Variants in LIMS1 observed in about 807,000 individuals in gnomAD.
LIMS1 encodes the protein LIM and senescent cell antigen-like-containing domain protein 1.
LIMS1 carries 18 observed loss-of-function variants against 44.1 expected under a neutral mutation model. The ratio of observed to expected loss-of-function variants is 0.41; its 90% confidence interval spans 0.28 to 0.61. The LOEUF (loss-of-function observed/expected upper bound fraction) is 0.61. LIMS1 is among the 20% of genes least tolerant of loss of function. LIMS1 has a pLI of 0.32. For synonymous variants in LIMS1, 93 were observed against 149.1 expected, an observed-to-expected ratio of 0.62 and a Z score of 2.74; for missense variants, 201 against 422.0, an observed-to-expected ratio of 0.48 and a Z score of 4.59.
At chr2:108,568,106 T>C (rs1453339691) in intron 1 of LIMS1, among the ~76,000 whole-genome samples, 1 of 152,222 alleles carries the variant, frequency 6.6e-6, no homozygotes, top group African/African-American at 2.4e-5. Context: ...CGAAGTTTGG[T>C]GATATTTTTG....
chr2:108,626,424 T>C (rs1304658542), intron 1 of LIMS1, among the ~76,000 whole-genome samples: 1 of 152,184 alleles, frequency 6.6e-6, no homozygotes, highest in East Asian at 1.9e-4. Flanking sequence ...CTTGCTAGTG[T>C]TGCTTTTTAA....
At chr2:108,571,335 T>C (rs959581079) in intron 1 of LIMS1, among the ~76,000 whole-genome samples, 1 of 152,072 alleles carries the variant, frequency 6.6e-6, no homozygotes, top group Non-Finnish European at 1.5e-5. Context: ...CAGGTGTGAG[T>C]CTTCCACACA....
chr2:108,571,272 G>A (rs1303055640), intron 1 of LIMS1, among the ~76,000 whole-genome samples: 1 of 152,162 alleles, frequency 6.6e-6, no homozygotes, highest in African/African-American at 2.4e-5. Flanking sequence ...GAGGGAGAAG[G>A]AAGATCTTTT....
chr2:108,671,037 G>A, intron 3 of LIMS1, 190 bp downstream of exon 3: 1 of 670,608 alleles, frequency 1.5e-6, no homozygotes, highest in Non-Finnish European at 2.6e-6. Flanking sequence ...TGGGCATGGT[G>A]GCAGGTGCCA....
exon 10 of LIMS1, chr2:108,684,163 G>T (rs985885044): frequency 9.7e-6 from 4 of 410,312 alleles, no homozygotes. Flanking sequence ...TCATATAATC[G>T]TGTTTAAAAC....
intron 1 of LIMS1, among the ~76,000 whole-genome samples, chr2:108,551,707 A>G (rs935506176): frequency 8.9e-5 from 13 of 146,408 alleles, no homozygotes; most frequent in Non-Finnish European, 1.9e-4. Context: ...ACTAGTATAT[A>G]TGTATATAGT....
chr2:108,626,719 G>A (rs1017528230), intron 1 of LIMS1, among the ~76,000 whole-genome samples: 8 of 152,114 alleles, frequency 5.3e-5, no homozygotes, highest in African/African-American at 1.9e-4. Flanking sequence ...TACTTTTTAA[G>A]TCTTAATTAT....
At chr2:108,637,338 T>C (rs1175265681) in intron 1 of LIMS1, among the ~76,000 whole-genome samples, 1 of 152,204 alleles carries the variant, frequency 6.6e-6, no homozygotes, top group Non-Finnish European at 1.5e-5. Flanking sequence ...TATTCTGAAA[T>C]TCTCATGGTT....
intron 1 of LIMS1, among the ~76,000 whole-genome samples, chr2:108,545,344 C>T (rs1163574725): frequency 2.6e-5 from 4 of 152,210 alleles, no homozygotes; most frequent in African/African-American, 9.6e-5. Context: ...AGGGATTCTC[C>T]TGCTTCAGCC....
intron 1 of LIMS1, among the ~76,000 whole-genome samples, chr2:108,624,463 A>G (rs943896477): frequency 6.6e-6 from 1 of 152,244 alleles, no homozygotes; most frequent in Non-Finnish European, 1.5e-5. Flanking sequence ...ACAGCTTAAT[A>G]TAGGGGCTGG....
rs1204403397 is a variant in LIMS1, at chr2:108,684,169, A to G, written c.*170A>G. On this transcript the variant is annotated 3_prime_UTR_variant, in exon 10 of 10. Transcript: ENST00000544547. ...AAGAAAAATTCATATAATCGTGTTT[A>G]AAACACAAATGAAGTCAGTATTTGC... 12 of 401,060 alleles carry G rather than the reference A, an allele frequency of 3.0e-5. No homozygotes were observed. The East Asian group carries it at 4.9e-4, about 16-fold the overall frequency. The allele number at this position is 401,060 out of a possible 1,614,324, so 24.8% of individuals were successfully genotyped here.
chr2:108,565,748 C>T (rs976986638), intron 1 of LIMS1, among the ~76,000 whole-genome samples: 10 of 152,078 alleles, frequency 6.6e-5, no homozygotes, highest in Non-Finnish European at 1.0e-4. Context: ...TCACAGTTTT[C>T]GAGGCTGGGA....
chr2:108,622,319 T>C (rs573348594), intron 1 of LIMS1, among the ~76,000 whole-genome samples: 1 of 152,340 alleles, frequency 6.6e-6, no homozygotes, highest in African/African-American at 2.4e-5. Flanking sequence ...ACTATTGTTC[T>C]TTTTCCTACA....
At chr2:108,539,577 C>G (rs1186909860) in intron 1 of LIMS1, among the ~76,000 whole-genome samples, 1 of 152,164 alleles carries the variant, frequency 6.6e-6, no homozygotes, top group Admixed American at 6.5e-5. Context: ...AATATGAAGG[C>G]AAATGCAAAT....
intron 1 of LIMS1, among the ~76,000 whole-genome samples, chr2:108,634,930 G>A (rs1249524007): frequency 1.3e-5 from 2 of 152,226 alleles, no homozygotes; most frequent in East Asian, 3.9e-4. Context: ...TGTTCTTGAG[G>A]ACTGACCAAT....
chr2:108,566,641 G>C (rs1030107523), intron 1 of LIMS1, among the ~76,000 whole-genome samples: 1 of 151,932 alleles, frequency 6.6e-6, no homozygotes, highest in Admixed American at 6.6e-5. Context: ...TTGTCACCCA[G>C]GCTGGAGTGC....
intron 1 of LIMS1, among the ~76,000 whole-genome samples, chr2:108,658,230 C>A (rs1315865567): frequency 5.1e-4 from 40 of 78,262 alleles, no homozygotes; most frequent in African/African-American, 1.9e-3. Flanking sequence ...GCATGGGGGA[C>A]CTTCTCCATT....
intron 1 of LIMS1, among the ~76,000 whole-genome samples, chr2:108,632,519 G>C (rs558693960): frequency 1.3e-5 from 2 of 152,258 alleles, no homozygotes; most frequent in South Asian, 4.1e-4. Flanking sequence ...ACTCAAGGGA[G>C]GATATGCCCA....
chr2:108,547,034 G>T (rs1684504712), intron 1 of LIMS1, among the ~76,000 whole-genome samples: 1 of 152,196 alleles, frequency 6.6e-6, no homozygotes, highest in South Asian at 2.1e-4. Context: ...AGGGTTGATG[G>T]AGTTCATTGG....
Sources: gnomAD v4.1 joint callset for allele counts (sites outside exome capture counted in the v4.1 genomes callset) on GRCh38, gnomAD v4.1.1 for gene constraint, MANE v1.5 for transcripts, NCBI Gene and HGNC (gene_info 2026-07-23, HGNC 2026-07-21) for gene names.